Variants in ARHGAP15 observed in about 807,000 individuals in gnomAD.
ARHGAP15 encodes rho GTPase-activating protein 15.
Under a neutral mutation model 63.7 loss-of-function variants are expected in ARHGAP15, and 51 were observed. The ratio of observed to expected loss-of-function variants is 0.80; its 90% confidence interval spans 0.64 to 1.01. The LOEUF is 1.01. Among genes scored for constraint, ARHGAP15 ranks in the 50% least tolerant of loss-of-function variants. ARHGAP15 has a pLI of 0.00. For synonymous variants in ARHGAP15, 191 were observed against 193.8 expected (o/e 0.99, Z 0.12); for missense variants, 560 against 564.6 (o/e 0.99, Z 0.08).
intron 10 of ARHGAP15, among the ~76,000 whole-genome samples, chr2:143,538,577 T>G (rs1281769634): frequency 6.6e-6 from 1 of 152,096 alleles, no homozygotes; most frequent in Non-Finnish European, 1.5e-5. Flanking sequence ...TTATTGAGAG[T>G]TTTTAGCATG....
At chr2:143,305,181 C>A (rs1683110875) in intron 6 of ARHGAP15, among the ~76,000 whole-genome samples, 1 of 151,946 alleles carries the variant, frequency 6.6e-6, no homozygotes, top group African/African-American at 2.4e-5. Context: ...TTTTCAGGGA[C>A]ATGGATGAAG....
intron 6 of ARHGAP15, among the ~76,000 whole-genome samples, chr2:143,411,611 A>G (rs906987396): frequency 6.6e-6 from 1 of 152,198 alleles, no homozygotes; most frequent in African/African-American, 2.4e-5. Context: ...CATGGCACTC[A>G]GTAATAACTT....
intron 8 of ARHGAP15, among the ~76,000 whole-genome samples, chr2:143,438,663 A>G (rs1055498886): frequency 6.6e-6 from 1 of 152,204 alleles, no homozygotes; most frequent in Non-Finnish European, 1.5e-5. Context: ...AGACTTTTCC[A>G]TAATGGTACA....
At chr2:143,617,638 G>A (rs774568624) in intron 11 of ARHGAP15, among the ~76,000 whole-genome samples, 1 of 152,082 alleles carries the variant, frequency 6.6e-6, no homozygotes, top group Non-Finnish European at 1.5e-5. Context: ...TGAAATATTG[G>A]GGGTTAAGAC....
chr2:143,390,342 AGG>A (rs975412646), intron 6 of ARHGAP15, among the ~76,000 whole-genome samples: 3 of 152,102 alleles, frequency 2.0e-5, no homozygotes, highest in Non-Finnish European at 4.4e-5. Context: ...ATCCTAGAAA[AGG>A]GGGCAGGTTT....
chr2:143,580,017 A>T (rs1696832484), intron 11 of ARHGAP15, among the ~76,000 whole-genome samples: 1 of 146,410 alleles, frequency 6.8e-6, no homozygotes, highest in Non-Finnish European at 1.5e-5. Context: ...ATTAAGAAAG[A>T]ACACTGAGAG....
chr2:143,428,050 G>C (rs918240021), intron 6 of ARHGAP15, among the ~76,000 whole-genome samples: 2 of 152,036 alleles, frequency 1.3e-5, no homozygotes, highest in Non-Finnish European at 2.9e-5. Flanking sequence ...CATAGTGGGG[G>C]GAATGGAAAG....
chr2:143,320,402 TTCCCCA>T (rs1683951965), intron 6 of ARHGAP15, among the ~76,000 whole-genome samples: 1 of 9,514 alleles, frequency 1.1e-4, no homozygotes, highest in Non-Finnish European at 2.4e-4. Flanking sequence ...AAATCAGGAC[TTCCCCA>T]CCCCCCCCCC....
intron 11 of ARHGAP15, among the ~76,000 whole-genome samples, chr2:143,614,151 G>C (rs915419198): frequency 1.3e-5 from 2 of 152,014 alleles, no homozygotes; most frequent in African/African-American, 4.8e-5. Context: ...TCACCTGACT[G>C]CTCATCGTTT....
chr2:143,516,446 C>T (rs1337602536), intron 9 of ARHGAP15, among the ~76,000 whole-genome samples: 3 of 152,142 alleles, frequency 2.0e-5, no homozygotes, highest in African/African-American at 7.2e-5. Context: ...ACAAAAAGAC[C>T]TCATACTAAA....
intron 1 of ARHGAP15, among the ~76,000 whole-genome samples, chr2:143,152,207 C>T (rs550034293): frequency 1.3e-5 from 2 of 152,112 alleles, no homozygotes; most frequent in South Asian, 4.1e-4. Flanking sequence ...TCAAATGCTA[C>T]CTTCTCTATG....
chr2:143,625,295 G>C (rs1046745841), intron 12 of ARHGAP15, among the ~76,000 whole-genome samples: 1 of 152,040 alleles, frequency 6.6e-6, no homozygotes, highest in African/African-American at 2.4e-5. Context: ...GGAGATTTGG[G>C]GGTCCTGTGT....
intron 6 of ARHGAP15, among the ~76,000 whole-genome samples, chr2:143,427,656 G>A (rs1689191674): frequency 1.3e-5 from 2 of 151,916 alleles, no homozygotes; most frequent in Admixed American, 1.3e-4. Context: ...TGACTCTTGT[G>A]CTTCCCAGCC....
At chr2:143,138,723 A>C (rs895482575) in intron 1 of ARHGAP15, among the ~76,000 whole-genome samples, 1 of 152,150 alleles carries the variant, frequency 6.6e-6, no homozygotes, top group African/African-American at 2.4e-5. Flanking sequence ...GGTAGCAACT[A>C]GCACAAGTGA....
chr2:143,225,933 A>G (rs760063099), intron 4 of ARHGAP15, among the ~76,000 whole-genome samples: 1 of 152,234 alleles, frequency 6.6e-6, no homozygotes, highest in African/African-American at 2.4e-5. Context: ...CAGCATTATT[A>G]TTCTTCGTTT....
At chr2:143,527,513 CTT>C (rs770911707) in intron 10 of ARHGAP15, among the ~76,000 whole-genome samples, 9 of 151,718 alleles carry the variant, frequency 5.9e-5, no homozygotes, top group Non-Finnish European at 1.0e-4. Flanking sequence ...GGGCTGGACA[CTT>C]TGAGAAAAAA....
chr2:143,279,707 A>T lies in ARHGAP15; in HGVS notation c.474+29107A>T, dbSNP rs1681747430. 2.0e-5 allele frequency among the ~76,000 whole-genome samples: 3 copies of T among 152,234 alleles called. No homozygotes were observed. The South Asian group carries it at 6.2e-4, about 32-fold the overall frequency. ...TCCCAACCTATGATCCACTTTACAGAGCTTTGAGTATGCTTGCCTTTTACA... is the reference window on the plus strand; with the variant it reads ...TCCCAACCTATGATCCACTTTACAGTGCTTTGAGTATGCTTGCCTTTTACA... On this transcript the variant is annotated intron_variant, in intron 6 of 13. Transcript: ENST00000295095.
intron 11 of ARHGAP15, among the ~76,000 whole-genome samples, chr2:143,602,960 A>G (rs1697832921): frequency 6.6e-6 from 1 of 152,070 alleles, no homozygotes; most frequent in Non-Finnish European, 1.5e-5. Context: ...AAATAGGCGT[A>G]CTCTAATCTT....
At chr2:143,534,526 T>C (rs904133511) in intron 10 of ARHGAP15, among the ~76,000 whole-genome samples, 2 of 136,462 alleles carry the variant, frequency 1.5e-5, no homozygotes, top group South Asian at 2.6e-4. Context: ...CTCAGAGATC[T>C]GATGATTTCA....
Sources: allele counts gnomAD v4.1 joint callset (sites outside exome capture counted in the v4.1 genomes callset), GRCh38; gene constraint gnomAD v4.1.1; transcripts MANE v1.5; gene names NCBI Gene and HGNC (gene_info 2026-07-23, HGNC 2026-07-21).